NALF1: variants seen among roughly 807,000 people sequenced by gnomAD.
NALF1 encodes the protein family with sequence similarity 155 member A.
NALF1 carries 3 observed loss-of-function variants against 48.4 expected under a neutral mutation model. The observed-to-expected ratio is 0.06, with a 90% CI of 0.03 to 0.16. The LOEUF is 0.16. NALF1 is among the 10% of genes least tolerant of loss of function. The pLI, the probability that NALF1 is intolerant of heterozygous loss-of-function variation, is 1.00. For missense variants in NALF1, 526 were observed against 571.5 expected (o/e 0.92, Z 0.81); for synonymous variants, 262 against 245.7 (o/e 1.07, Z -0.62).
Position 107,170,758 on chromosome 13 carries a change from A to T in NALF1, c.1116T>A (p.Asp372Glu). The T allele has an allele frequency of 1.2e-6, 2 of 1,614,204 alleles. No individual in the cohort carries two copies. Among genetic ancestry groups the T allele is most frequent in the Non-Finnish European group, 1.7e-6 (2 of 1,180,032 alleles). ...TCCTGACGTCACAGCATTCTGGTTC[A>T]TCATTGGTTAGAAAGGTTTCATAAA... is the stretch of plus-strand genomic sequence containing the variant. ...TGLYETFLTN[D>E]EPECCDVRRE... Residue 372 changes from aspartate to glutamate, a missense_variant, in exon 3 of 3, where the codon GAT becomes GAA. Around this residue, in one of 2 missense-constraint regions of NALF1, gnomAD observed 153 missense variants for 215.9 expected, o/e 0.71. Coordinates refer to ENST00000375915, the MANE Select transcript of NALF1 (RefSeq NM_001080396.3).
intron 1 of NALF1, among the ~76,000 whole-genome samples, chr13:107,528,822 C>G (rs1006823410): frequency 2.0e-5 from 3 of 151,992 alleles, no homozygotes; most frequent in African/African-American, 7.2e-5. Context: ...AGTAAAGGAC[C>G]CAGCACAATC....
chr13:107,591,866 A>G (rs2138417997), intron 1 of NALF1, among the ~76,000 whole-genome samples: 1 of 152,100 alleles, frequency 6.6e-6, no homozygotes, highest in South Asian at 2.1e-4. Context: ...CTTATTTCTA[A>G]TAATACTGAA....
At chr13:107,492,937 T>C (rs773354813) in intron 1 of NALF1, among the ~76,000 whole-genome samples, 9 of 152,204 alleles carry the variant, frequency 5.9e-5, no homozygotes, top group Non-Finnish European at 1.0e-4. Context: ...AGAATAATTA[T>C]GAAAAACAGA....
At chr13:107,740,335 T>G (rs1304136336) in intron 1 of NALF1, among the ~76,000 whole-genome samples, 1 of 152,128 alleles carries the variant, frequency 6.6e-6, no homozygotes, top group South Asian at 2.1e-4. Flanking sequence ...CCATAGAAGA[T>G]GTAATAGAAT....
intron 1 of NALF1, among the ~76,000 whole-genome samples, chr13:107,488,878 T>C (rs952134102): frequency 7.2e-5 from 11 of 152,240 alleles, no homozygotes; most frequent in South Asian, 6.2e-4. Context: ...GAAAACCCCA[T>C]TGTCTCAGCC....
intron 1 of NALF1, among the ~76,000 whole-genome samples, chr13:107,439,144 G>T (rs1447958081): frequency 6.6e-6 from 1 of 151,998 alleles, no homozygotes. Context: ...AGGGTAATTG[G>T]TTATCTCATT....
intron 1 of NALF1, among the ~76,000 whole-genome samples, chr13:107,266,391 C>T (rs927817442): frequency 6.6e-6 from 1 of 152,140 alleles, no homozygotes; most frequent in Non-Finnish European, 1.5e-5. Flanking sequence ...GTGTACACCC[C>T]ACCTGGAAAA....
chr13:107,266,726 C>A (rs1881046491), intron 1 of NALF1, among the ~76,000 whole-genome samples: 1 of 151,926 alleles, frequency 6.6e-6, no homozygotes, highest in Non-Finnish European at 1.5e-5. Context: ...TTTTTAGGGT[C>A]AAAAAAACCC....
chr13:107,313,899 A>C (rs183515412), intron 1 of NALF1, among the ~76,000 whole-genome samples: 20 of 152,162 alleles, frequency 1.3e-4, no homozygotes, highest in African/African-American at 4.8e-4. Flanking sequence ...TATCTCCCTA[A>C]AATGTATAAA....
chr13:107,316,164 T>C (rs912954776), intron 1 of NALF1, among the ~76,000 whole-genome samples: 4 of 152,084 alleles, frequency 2.6e-5, no homozygotes, highest in African/African-American at 7.2e-5. Context: ...TTTTTGACCT[T>C]GCGATAGTTT....
At chr13:107,715,617 G>T (rs887715920) in intron 1 of NALF1, among the ~76,000 whole-genome samples, 2 of 152,230 alleles carry the variant, frequency 1.3e-5, no homozygotes, top group Non-Finnish European at 2.9e-5. Flanking sequence ...AGCCGCCTGT[G>T]GTGTGAGCTT....
rs1879740610 is a variant in NALF1 at position 107,210,603 on chromosome 13, G to C, written c.1068C>G (p.Leu356=). The change falls in exon 2 of 3, where the codon CTC becomes CTG. Residue 356 remains leucine (L), a synonymous_variant. Coordinates refer to ENST00000375915, the MANE Select transcript of NALF1 (RefSeq NM_001080396.3). The part of the protein sequence containing the change: ...PDNDEVIYGG[L]SSFICTGLYE... Reference sequence around the variant, plus strand: ...CTGTACCTGTACAGATGAAACTGGAGAGGCCTCCGTAGATGACTTCATCAT... The same window carrying C: ...CTGTACCTGTACAGATGAAACTGGACAGGCCTCCGTAGATGACTTCATCAT... 2 of 1,613,196 alleles carry C rather than the reference G, an allele frequency of 1.2e-6. No individual in the cohort carries two copies. The highest frequency in any genetic ancestry group is 1.7e-5 in the Admixed American group (1 of 60,000).
chr13:107,733,328 C>A (rs1226610046), intron 1 of NALF1, among the ~76,000 whole-genome samples: 4 of 152,182 alleles, frequency 2.6e-5, no homozygotes, highest in Admixed American at 2.6e-4. Flanking sequence ...CCACCTATTT[C>A]TTCTCTGGAC....
intron 1 of NALF1, among the ~76,000 whole-genome samples, chr13:107,790,139 T>A (rs1366894581): frequency 1.3e-5 from 2 of 152,188 alleles, no homozygotes; most frequent in Non-Finnish European, 2.9e-5. Flanking sequence ...AGAATTTTCC[T>A]GAAGCATTTA....
intron 1 of NALF1, among the ~76,000 whole-genome samples, chr13:107,451,380 G>A (rs982032327): frequency 3.9e-5 from 6 of 152,106 alleles, no homozygotes; most frequent in Admixed American, 2.0e-4. Context: ...TAAATTAGAC[G>A]GATTTAAACC....
chr13:107,637,601 T>C (rs990885674), intron 1 of NALF1, among the ~76,000 whole-genome samples: 3 of 152,164 alleles, frequency 2.0e-5, no homozygotes, highest in Non-Finnish European at 4.4e-5. Context: ...CAAAAAGTAC[T>C]GTACCTGACT....
chr13:107,782,003 T>C (rs1174224938), intron 1 of NALF1, among the ~76,000 whole-genome samples: 5 of 152,198 alleles, frequency 3.3e-5, no homozygotes, highest in African/African-American at 4.8e-5. Flanking sequence ...TTCTGTGCAA[T>C]GGTTTTATAA....
In NALF1 at chr13:107,243,366, G is replaced by A. The variant is rs77573401; in HGVS notation, c.916-32611C>T. ...AGAGTGAGCCCCTGCCCTGGGCCAC[G>A]CAGGTGATTTCAGCGCATCCCCAGC... On this transcript the variant is annotated intron_variant, in intron 1 of 2. Coordinates refer to ENST00000375915, the MANE Select transcript of NALF1 (RefSeq NM_001080396.3). Among the ~76,000 whole-genome samples the A allele has an allele frequency of 1.1e-3, 160 of 152,258 alleles. 1 individual carries two copies. In the East Asian group the frequency reaches 0.026, roughly 25 times the overall value.
chr13:107,521,070 T>C (rs991319715), intron 1 of NALF1, among the ~76,000 whole-genome samples: 2 of 152,192 alleles, frequency 1.3e-5, no homozygotes, highest in African/African-American at 2.4e-5. Context: ...GTAAGCTTTA[T>C]AAGAAGTGAT....
Sources: gnomAD v4.1 joint callset for allele counts (sites outside exome capture counted in the v4.1 genomes callset) on GRCh38, gnomAD v4.1.1 for gene constraint, gnomAD v4.1.1 regional missense constraint, MANE v1.5 for transcripts, NCBI Gene and HGNC (gene_info 2026-07-23, HGNC 2026-07-21) for gene names.